Variants in CXorf38 observed in about 807,000 individuals in gnomAD.
The protein encoded by CXorf38 is uncharacterized protein CXorf38.
Under a neutral mutation model 27.5 loss-of-function variants are expected in CXorf38, and 13 were observed. The ratio of observed to expected loss-of-function variants is 0.47; its 90% CI spans 0.31 to 0.75. The LOEUF is 0.75. Ranked by LOEUF, CXorf38 falls within the 30% of genes least tolerant of loss-of-function variation. The probability of loss-of-function intolerance (pLI) is 0.05; values close to 1 mark genes in which losing one functional copy is unlikely to be tolerated. For missense variants in CXorf38, 240 were observed against 253.2 expected (o/e 0.95, Z 0.35); for synonymous variants, 100 against 99.8 (o/e 1.00, Z -0.01).
chrX:40,634,469 C>G (rs1050377675), intron 5 of CXorf38, among the ~76,000 whole-genome samples: 1 of 112,302 alleles, frequency 8.9e-6, no homozygotes, highest in Non-Finnish European at 1.9e-5. Context: ...TTCCTGATCC[C>G]GGGATGCACA....
chrX:40,642,011 A>G (rs898897202), intron 2 of CXorf38, among the ~76,000 whole-genome samples: 2 of 111,780 alleles, frequency 1.8e-5, no homozygotes, highest in Non-Finnish European at 3.8e-5. Flanking sequence ...GGGTTATAGA[A>G]CGATCTAATT....
At chrX:40,644,919 GT>G (rs754442869) in intron 2 of CXorf38, among the ~76,000 whole-genome samples, 1 of 112,071 alleles carries the variant, frequency 8.9e-6, no homozygotes, top group East Asian at 2.8e-4. Flanking sequence ...AAACCAGTCA[GT>G]TCCCTTGTGA....
chrX:40,645,249 T>A (rs1928520654), intron 2 of CXorf38, among the ~76,000 whole-genome samples: 1 of 110,858 alleles, frequency 9.0e-6, no homozygotes, highest in South Asian at 3.8e-4. Flanking sequence ...GTCCAGGGTG[T>A]GGGCATGCAA....
At position 40,628,412 on chromosome X, in the gene CXorf38, C is replaced by T. The variant is rs939215718; in HGVS notation, c.*1752G>A. 6.3e-5 allele frequency: 7 copies of T among 111,137 alleles called. No individual in the cohort carries two copies. The highest frequency in any genetic ancestry group is 1.3e-4 in the Non-Finnish European group (7 of 53,068). 9.2% of individuals were successfully genotyped at this position (111,137 alleles called of 1,213,427 possible). A position where few individuals can be genotyped will look rare whatever the true frequency, so the allele number is the denominator to read the frequency against. On this transcript the variant is annotated 3_prime_UTR_variant, in exon 7 of 7. Coordinates refer to ENST00000327877, the MANE Select transcript of CXorf38 (RefSeq NM_144970.3). The stretch of plus-strand genomic sequence containing the variant: ...CAGTGAGGAACATGGCAATTCTGTT[C>T]CTGAAGGTCCACAGGCAACTTGACC...
rs367993485 is a variant in CXorf38, at chrX:40,636,975, T to C, written c.621+32A>G. ...GTTGTTGTTTTCTCTCTCTTCATTC[T>C]GTATGCCAGAACTATTAAACATGAT... On this transcript the variant is annotated intron_variant, in intron 4 of 6. Coordinates refer to ENST00000327877, the MANE Select transcript of CXorf38 (RefSeq NM_144970.3). The C allele has an allele frequency of 1.2e-5, 14 of 1,120,782 alleles. No homozygotes were observed. The African/African-American group carries it at 2.6e-4, about 21-fold the overall frequency. The allele number at this position is 1,120,782 out of a possible 1,213,427, so 92.4% of individuals were successfully genotyped here. A position where few individuals can be genotyped will look rare whatever the true frequency, so the allele number is the denominator to read the frequency against.
intron 2 of CXorf38, among the ~76,000 whole-genome samples, chrX:40,643,963 T>C (rs1304583871): frequency 2.7e-5 from 3 of 112,896 alleles, no homozygotes; most frequent in Admixed American, 9.3e-5. Flanking sequence ...CTTTGTTACA[T>C]TGTTACAGCA....
rs752960806 is a variant in CXorf38 at position 40,647,515 on chromosome X, C to T, written c.6G>A (p.Val2=). The T allele has an allele frequency of 4.7e-4, 554 of 1,182,709 alleles. 6 individuals are homozygous for T. In the South Asian group the frequency reaches 9.6e-3, roughly 21 times the overall value. The part of the protein sequence containing the change: M[V]LSELAARLNC... The stretch of plus-strand genomic sequence containing the variant: ...TGAGGCGCGCCGCTAGCTCCGACAG[C>T]ACCATGTCTCCCACTTGGAACCAGG... The change falls in exon 1 of 7, where the codon GTG becomes GTA. Residue 2 remains valine (V), a synonymous_variant. Transcript: ENST00000327877.
At chrX:40,636,029 C>G (rs915133980) in intron 5 of CXorf38, among the ~76,000 whole-genome samples, 10 of 112,862 alleles carry the variant, frequency 8.9e-5, no homozygotes, top group African/African-American at 3.2e-4. Context: ...GCATGTGGCT[C>G]CAGCCCACTT....
intron 2 of CXorf38, 81 bp from the exon 3 acceptor site, chrX:40,639,209 T>C (rs1928210955): frequency 9.6e-7 from 1 of 1,043,111 alleles, no homozygotes; most frequent in East Asian, 3.1e-5. Flanking sequence ...TTGTCTATTT[T>C]CCAAATGATG....
At chrX:40,637,228 G>GA (rs1376530717) in intron 3 of CXorf38, 72 bp from the exon 4 acceptor site, 10 of 771,127 alleles carry the variant, frequency 1.3e-5, no homozygotes, top group Non-Finnish European at 1.8e-5. Flanking sequence ...TCACTCCAAA[G>GA]AAAAAATCAT....
Position 40,637,040 on chromosome X carries a change from T to C in CXorf38, c.588A>G (p.Pro196=). ...QNFLNEFKNI[P]EIVAVYSRIE... is the part of the protein sequence containing the mutation. Reference sequence around the variant, plus strand: ...TTCTGGAGTATACTGCCACAATCTCTGGGATGTTCTTGAATTCATTCAGAA... The same window carrying C: ...TTCTGGAGTATACTGCCACAATCTCCGGGATGTTCTTGAATTCATTCAGAA... Residue 196 remains proline (P), a synonymous_variant, in exon 4 of 7, where the codon CCA becomes CCG. Transcript: ENST00000327877. 8.3e-7 allele frequency: 1 copy of C among 1,207,490 alleles called. No homozygotes were observed. The highest frequency in any genetic ancestry group is 3.0e-5 in the East Asian group (1 of 33,839).
chrX:40,637,269 AG>A, intron 3 of CXorf38, 113 bp from the exon 4 acceptor site: 1 of 544,715 alleles, frequency 1.8e-6, no homozygotes, highest in Non-Finnish European at 2.8e-6. Flanking sequence ...AAAATCAACA[AG>A]AGCAGTCTTC....
chrX:40,640,875 G>A lies in CXorf38; in HGVS notation c.352-1747C>T, dbSNP rs765391863. On this transcript the variant is annotated intron_variant, in intron 2 of 6. Transcript: ENST00000327877. ...GAATCACTTGAACCCAGGAGGCGGA[G>A]GTTGCAGTGAGCCAAGATTGCTCCA... Among the ~76,000 whole-genome samples, 28 of 105,276 alleles carry A rather than the reference G, an allele frequency of 2.7e-4. 1 individual carries two copies. Among genetic ancestry groups the A allele is most frequent in the African/African-American group, 9.1e-4 (26 of 28,688 alleles). The allele number at this position is 105,276 out of a possible 115,157, so 91.4% of individuals were successfully genotyped here. A position where few individuals can be genotyped will look rare whatever the true frequency, so the allele number is the denominator to read the frequency against.
intron 5 of CXorf38, among the ~76,000 whole-genome samples, chrX:40,631,924 T>C (rs770525650): frequency 9.0e-6 from 1 of 111,550 alleles, no homozygotes; most frequent in African/African-American, 3.3e-5. Context: ...GGGTTTCAGA[T>C]TGGTCAGTAA....
Position 40,627,348 on chromosome X carries a change from G to A in CXorf38, c.*2816C>T, listed in dbSNP as rs1470845870. 1 of 111,341 alleles carries A rather than the reference G, an allele frequency of 9.0e-6. No individual in the cohort carries two copies. Among genetic ancestry groups the A allele is most frequent in the Non-Finnish European group, 1.9e-5 (1 of 53,073 alleles). The allele number at this position is 111,341 out of a possible 1,213,427, so 9.2% of individuals were successfully genotyped here. The stretch of plus-strand genomic sequence containing the variant: ...TGGGATTACAGGCACGCGCCACCAC[G>A]CCCAGCTAATTTTTGTAGTTTTAGT... On this transcript the variant is annotated 3_prime_UTR_variant, in exon 7 of 7. Coordinates refer to ENST00000327877, the MANE Select transcript of CXorf38 (RefSeq NM_144970.3).
chrX:40,644,536 T>C (rs1305623771), intron 2 of CXorf38, among the ~76,000 whole-genome samples: 1 of 112,637 alleles, frequency 8.9e-6, no homozygotes, highest in African/African-American at 3.2e-5. Flanking sequence ...TAATCGAAAT[T>C]TTTTAAAAAT....
rs1421870155 is a variant in CXorf38 at position 40,628,557 on chromosome X, AG to A, written c.*1606del. 2 of 112,450 alleles carry A rather than the reference AG, an allele frequency of 1.8e-5. No individual in the cohort carries two copies. The highest frequency in any genetic ancestry group is 5.5e-4 in the East Asian group (2 of 3,605). The allele number at this position is 112,450 out of a possible 1,213,427, so 9.3% of individuals were successfully genotyped here. A position where few individuals can be genotyped will look rare whatever the true frequency, so the allele number is the denominator to read the frequency against. ...TTGCGCAGTTTGGGAAACCAGCAGG[AG>A]GAACTCAGGAGTGGATGACTTTAGG... is the stretch of plus-strand genomic sequence containing the variant. On this transcript the variant is annotated 3_prime_UTR_variant, in exon 7 of 7. Transcript: ENST00000327877.
Position 40,646,990 on chromosome X carries a change from C to T in CXorf38, c.351+17G>A. The T allele has an allele frequency of 1.7e-6, 2 of 1,207,253 alleles. No homozygotes were observed. The highest frequency in any genetic ancestry group is 2.2e-6 in the Non-Finnish European group (2 of 893,530). The stretch of plus-strand genomic sequence containing the variant: ...GACCCGCCGCTTCCTCCTTCCGTCC[C>T]CGCCTCAGGCGCTTACCTTGGCCAC... On this transcript the variant is annotated intron_variant, in intron 2 of 6. Transcript: ENST00000327877.
chrX:40,641,058 C>A (rs779984081), intron 2 of CXorf38, among the ~76,000 whole-genome samples: 2 of 104,375 alleles, frequency 1.9e-5, no homozygotes, highest in African/African-American at 7.0e-5. Flanking sequence ...CTGAAAAATA[C>A]AAAAAAAAAT....
Sources: allele counts gnomAD v4.1 joint callset (sites outside exome capture counted in the v4.1 genomes callset), GRCh38; gene constraint gnomAD v4.1.1; transcripts MANE v1.5; gene names NCBI Gene and HGNC (gene_info 2026-07-23, HGNC 2026-07-21).